The following EPB41 variants were observed in gnomAD, a reference collection of about 807,000 sequenced individuals.
EPB41 encodes protein 4.1.
A neutral mutation model predicts 108.0 loss-of-function variants in EPB41; 65 were observed. The observed-to-expected ratio is 0.60, with a 90% CI of 0.49 to 0.74. The LOEUF (loss-of-function observed/expected upper bound fraction) is 0.74. Ranked by LOEUF, EPB41 falls within the 30% of genes least tolerant of loss-of-function variation. The pLI, the probability that EPB41 is intolerant of heterozygous loss-of-function variation, is 0.00. For missense variants in EPB41, 875 were observed against 1,037.0 expected (o/e 0.84, Z 2.15); for synonymous variants, 336 against 358.9 (o/e 0.94, Z 0.72).
intron 4 of EPB41, among the ~76,000 whole-genome samples, chr1:29,003,266 A>G (rs1318884510): frequency 6.6e-6 from 1 of 152,260 alleles, no homozygotes; most frequent in Non-Finnish European, 1.5e-5. Flanking sequence ...AGAAGGTAAT[A>G]GAGCTATACA....
At chr1:29,070,902 T>G (rs1287081258) in intron 16 of EPB41, 36 of 291,508 alleles carry the variant, frequency 1.2e-4, no homozygotes, top group Non-Finnish European at 1.5e-4. Context: ...CCAAAAGCTT[T>G]AACTCTTTTA....
At chr1:29,071,946 A>G (rs1369430126) in intron 16 of EPB41, 2 of 152,194 alleles carry the variant, frequency 1.3e-5, no homozygotes, top group African/African-American at 4.8e-5. Context: ...TTTTGAGAAG[A>G]TGGCCTCTTA....
At chr1:28,966,328 C>A (rs1433697883) in intron 1 of EPB41, among the ~76,000 whole-genome samples, 2 of 152,054 alleles carry the variant, frequency 1.3e-5, no homozygotes, top group South Asian at 2.1e-4. Flanking sequence ...ATTTCTTTAC[C>A]CTTCACCAGA....
intron 11 of EPB41, among the ~76,000 whole-genome samples, chr1:29,048,030 T>G (rs1172669733): frequency 6.6e-6 from 1 of 152,042 alleles, no homozygotes; most frequent in Non-Finnish European, 1.5e-5. Flanking sequence ...GTAATCTACC[T>G]GCTTCGGCCT....
At chr1:29,116,517 G>C (rs933899447) in intron 20 of EPB41, among the ~76,000 whole-genome samples, 68 of 152,294 alleles carry the variant, frequency 4.5e-4, no homozygotes, top group African/African-American at 1.4e-3. Flanking sequence ...AGAAGAGCAG[G>C]ATCAGGCTGT....
chr1:28,909,020 G>C (rs904266129), intron 1 of EPB41, among the ~76,000 whole-genome samples: 1 of 151,458 alleles, frequency 6.6e-6, no homozygotes, highest in South Asian at 2.1e-4. Context: ...TTAGCTGGGC[G>C]TGGTGGCGGG....
At chr1:28,987,108 G>GATAAAACTGTATTTACTGTATACAGTTCT (rs2095885264) in intron 1 of EPB41, among the ~76,000 whole-genome samples, 2 of 152,194 alleles carry the variant, frequency 1.3e-5, no homozygotes, top group South Asian at 4.1e-4. Flanking sequence ...TTTAAGGAAG[G>GATAAAACTGTATTTACTGTATACAGTTCT]ATAAAACTGT....
At chr1:29,099,728 G>T (rs1664610487) in intron 17 of EPB41, among the ~76,000 whole-genome samples, 1 of 152,186 alleles carries the variant, frequency 6.6e-6, no homozygotes, top group African/African-American at 2.4e-5. Context: ...AAGAAAAACA[G>T]TTCCCTCTAT....
chr1:29,047,064 G>A (rs1170404280), intron 11 of EPB41, among the ~76,000 whole-genome samples: 1 of 152,036 alleles, frequency 6.6e-6, no homozygotes. Flanking sequence ...GTTTGTTAAA[G>A]ACTGTTGTCA....
At chr1:28,908,459 T>G (rs1273210836) in intron 1 of EPB41, among the ~76,000 whole-genome samples, 1 of 149,634 alleles carries the variant, frequency 6.7e-6, no homozygotes, top group East Asian at 2.0e-4. Context: ...TGAGATAGAG[T>G]CTTGCCCTGT....
intron 1 of EPB41, among the ~76,000 whole-genome samples, chr1:28,959,120 T>G (rs978016912): frequency 4.6e-5 from 7 of 150,956 alleles, no homozygotes; most frequent in African/African-American, 1.7e-4. Context: ...GAGAAGAGAC[T>G]AGTGAGGGCA....
At chr1:29,107,851 CA>C (rs58046908) in intron 17 of EPB41, among the ~76,000 whole-genome samples, 4,035 of 62,798 alleles carry the variant, frequency 0.064, 127 homozygotes, top group East Asian at 0.29. Context: ...AACTCCATCT[CA>C]AAAAAAAAAA....
At chr1:29,060,372 A>G in intron 14 of EPB41, 50 bp from the exon 15 acceptor site, 1 of 1,583,226 alleles carries the variant, frequency 6.3e-7, no homozygotes, top group Non-Finnish European at 8.7e-7. Context: ...CGCAAGAACA[A>G]CATTTTAATT....
At chr1:28,935,850 C>G (rs2094000633) in intron 1 of EPB41, among the ~76,000 whole-genome samples, 1 of 150,946 alleles carries the variant, frequency 6.6e-6, no homozygotes, top group African/African-American at 2.4e-5. Flanking sequence ...ACCAGGGAAT[C>G]AGAGGTTGGA....
intron 5 of EPB41, among the ~76,000 whole-genome samples, chr1:29,014,065 C>A (rs1488421817): frequency 6.6e-6 from 1 of 151,672 alleles, no homozygotes; most frequent in African/African-American, 2.4e-5. Flanking sequence ...GCCTGTAATC[C>A]CAGCACTTTG....
At chr1:28,951,824 A>AG (rs1263582523) in intron 1 of EPB41, among the ~76,000 whole-genome samples, 1 of 152,184 alleles carries the variant, frequency 6.6e-6, no homozygotes, top group African/African-American at 2.4e-5. Flanking sequence ...ATTGTACTGC[A>AG]GCCTGATTGT....
chr1:29,113,171 AT>A (rs1314089216), intron 19 of EPB41, among the ~76,000 whole-genome samples: 11 of 152,208 alleles, frequency 7.2e-5, no homozygotes, highest in African/African-American at 2.4e-4. Flanking sequence ...GCTGCAAGCA[AT>A]TAGCAAATAA....
intron 12 of EPB41, among the ~76,000 whole-genome samples, chr1:29,054,670 T>G (rs1472798803): frequency 6.6e-6 from 1 of 150,740 alleles, no homozygotes; most frequent in Non-Finnish European, 1.5e-5. Context: ...GGCAAAATGG[T>G]GAAACCCCAT....
At chr1:29,060,545 G>A in intron 15 of EPB41, 61 bp downstream of exon 15, 1 of 1,452,056 alleles carries the variant, frequency 6.9e-7, no homozygotes, top group Non-Finnish European at 9.7e-7. Context: ...ATTCTTTGCT[G>A]ATCCCCTTTT....
Sources: gnomAD v4.1 joint callset for allele counts (sites outside exome capture counted in the v4.1 genomes callset) on GRCh38, gnomAD v4.1.1 for gene constraint, MANE v1.5 for transcripts, NCBI Gene and HGNC (gene_info 2026-07-23, HGNC 2026-07-21) for gene names.